The following DOCK8 variants were observed in gnomAD, a reference collection of about 807,000 sequenced individuals.
The protein encoded by DOCK8 is dedicator of cytokinesis 8.
Under a neutral mutation model 245.6 loss-of-function variants are expected in DOCK8, and 141 were observed. The ratio of observed to expected loss-of-function variants is 0.57; its 90% CI spans 0.50 to 0.66. The LOEUF (loss-of-function observed/expected upper bound fraction) is 0.66, where lower values mean the gene tolerates loss of function less well. Among genes scored for constraint, DOCK8 ranks in the 30% least tolerant of loss-of-function variants. DOCK8 has a pLI of 0.00. For synonymous variants in DOCK8, 1,168 were observed against 970.2 expected (o/e 1.20, Z -3.79); for missense variants, 2,965 against 2,603.4 (o/e 1.14, Z -3.02).
At chr9:302,862 T>C (rs895413807) in intron 4 of DOCK8, among the ~76,000 whole-genome samples, 3 of 152,188 alleles carry the variant, frequency 2.0e-5, no homozygotes, top group African/African-American at 7.2e-5. Flanking sequence ...GGCATGTGGC[T>C]TATGCTTGTA....
chr9:392,030 C>T lies in DOCK8; in HGVS notation c.2970+1464C>T, dbSNP rs142104140. Among the ~76,000 whole-genome samples the T allele has an allele frequency of 9.0e-3, 1,355 of 150,954 alleles. 23 individuals are homozygous for T. The highest frequency in any genetic ancestry group is 0.031 in the African/African-American group (1,293 of 41,128). ...GCGGGTGCCTGTAATCCCATCTACTCAGGAGGCTGAGGCAGGAGAATTGCT... is the reference window on the plus strand; with the variant it reads ...GCGGGTGCCTGTAATCCCATCTACTTAGGAGGCTGAGGCAGGAGAATTGCT... On this transcript the variant is annotated intron_variant, in intron 24 of 47. Transcript: ENST00000432829.
chr9:286,745 T>G, intron 3 of DOCK8, 109 bp downstream of exon 3: 1 of 1,036,698 alleles, frequency 9.6e-7, no homozygotes, highest in Non-Finnish European at 1.5e-6. Context: ...ATAAAATTAC[T>G]CAATCCATTC....
chr9:316,395 A>G (rs2050348292), intron 6 of DOCK8, among the ~76,000 whole-genome samples: 1 of 152,214 alleles, frequency 6.6e-6, no homozygotes, highest in Non-Finnish European at 1.5e-5. Flanking sequence ...TTTCTCTTTA[A>G]GTGTTTAGTT....
intron 1 of DOCK8, among the ~76,000 whole-genome samples, chr9:252,225 G>A (rs992323971): frequency 1.3e-4 from 19 of 151,580 alleles, no homozygotes; most frequent in Admixed American, 9.2e-4. Context: ...CACTGGCCTC[G>A]GCCTCCCAAA....
At chr9:380,059 C>G (rs1453961768) in intron 21 of DOCK8, 124 bp downstream of exon 21, 1 of 905,016 alleles carries the variant, frequency 1.1e-6, no homozygotes, top group Non-Finnish European at 1.7e-6. Context: ...AACCCCAGCA[C>G]TCTAGGAGGC....
At position 432,270 on chromosome 9, in the gene DOCK8, T is replaced by C. The variant is rs781552481; in HGVS notation, c.4731T>C (p.Ile1577=). ...EEHLRRSLRT[I]LAYSEEDTAM... ...ACCTGAGAAGATCCTTGAGGACAAT[T>C]TTGGCCTATTCAGAAGAGGACACAG... is the stretch of plus-strand genomic sequence containing the variant. Residue 1577 remains isoleucine (I), a synonymous_variant, in exon 37 of 48, where the codon ATT becomes ATC. Transcript: ENST00000432829. The C allele has an allele frequency of 4.3e-6, 7 of 1,613,956 alleles. No homozygotes were observed. In the East Asian group the frequency reaches 1.6e-4, roughly 36 times the overall value.
intron 1 of DOCK8, among the ~76,000 whole-genome samples, chr9:216,331 C>T (rs138869631): frequency 6.6e-6 from 1 of 151,996 alleles, no homozygotes; most frequent in Non-Finnish European, 1.5e-5. Context: ...GAGTTTGAGA[C>T]CAGCCTGGGC....
intron 4 of DOCK8, among the ~76,000 whole-genome samples, chr9:292,436 A>C: frequency 1.3e-5 from 2 of 150,344 alleles, no homozygotes; most frequent in South Asian, 4.2e-4. Context: ...TACATGCATG[A>C]ATCCTCAAGA....
intron 23 of DOCK8, among the ~76,000 whole-genome samples, chr9:387,442 CAAAAAAA>C (rs139131854): frequency 1.0e-4 from 8 of 77,110 alleles, no homozygotes; most frequent in Non-Finnish European, 1.6e-4. Context: ...GACTCCATTT[CAAAAAAA>C]AAAAAAAAGA....
chr9:454,085 G>C (rs1238640298), intron 46 of DOCK8, among the ~76,000 whole-genome samples: 1 of 152,190 alleles, frequency 6.6e-6, no homozygotes, highest in African/African-American at 2.4e-5. Context: ...GATCAGAAAA[G>C]AGAAATCAGT....
intron 4 of DOCK8, among the ~76,000 whole-genome samples, chr9:297,211 A>G (rs894227466): frequency 4.6e-5 from 7 of 152,204 alleles, no homozygotes; most frequent in African/African-American, 1.7e-4. Flanking sequence ...TAGGTCCTCA[A>G]AATGAGCAAC....
intron 14 of DOCK8, among the ~76,000 whole-genome samples, chr9:357,517 T>G (rs1171349743): frequency 6.6e-6 from 1 of 152,244 alleles, no homozygotes; most frequent in Non-Finnish European, 1.5e-5. Context: ...GTGGATTTTT[T>G]TAACATTACA....
chr9:220,949 C>T lies in DOCK8; in HGVS notation c.53+5920C>T, dbSNP rs2046869846. The T allele has an allele frequency of 4.9e-5, 10 of 204,294 alleles. No individual in the cohort carries two copies. The South Asian group carries it at 5.4e-4, about 11-fold the overall frequency. The allele number at this position is 204,294 out of a possible 1,614,324, so 12.7% of individuals were successfully genotyped here. A position where few individuals can be genotyped will look rare whatever the true frequency, so the allele number is the denominator to read the frequency against. ...TTGTTCAGGCTGGTCTAGTCTTACC[C>T]AGTCAGCAGCAGAAAGGCTCTCTGG... On this transcript the variant is annotated intron_variant, in intron 1 of 47. Coordinates refer to ENST00000432829, the MANE Select transcript of DOCK8 (RefSeq NM_203447.4).
chr9:250,601 C>G (rs1413762755), intron 1 of DOCK8, among the ~76,000 whole-genome samples: 3 of 152,196 alleles, frequency 2.0e-5, no homozygotes, highest in Non-Finnish European at 1.5e-5. Flanking sequence ...CTTCCACACT[C>G]AATTCCAAAT....
chr9:423,994 C>T (rs6476809), intron 33 of DOCK8, among the ~76,000 whole-genome samples: 6,566 of 151,906 alleles, frequency 0.043, 466 homozygotes, highest in African/African-American at 0.15. Flanking sequence ...CTCAGCCCTG[C>T]GCTACCTGGT....
At chr9:427,678 A>G (rs1444722488) in intron 34 of DOCK8, among the ~76,000 whole-genome samples, 4 of 152,238 alleles carry the variant, frequency 2.6e-5, no homozygotes. Flanking sequence ...GCTAGAAGAA[A>G]TATCGTTGAA....
Position 406,961 on chromosome 9 carries a change from A to T in DOCK8, c.3422A>T (p.Gln1141Leu). The change falls in exon 28 of 48, where the codon CAG (glutamine) becomes CTG (leucine). Residue 1141 changes from glutamine (Q) to leucine (L), a missense_variant. By Grantham distance (113) the Gln-to-Leu change is moderately radical. Transcript: ENST00000432829. The stretch of plus-strand genomic sequence containing the variant: ...AGCTCCTGCTCCAGCTTCCAGGACC[A>T]GAAGATCGCCAGCATGTTCGATCTG... The part of the protein sequence containing the change: ...NSSSCSSFQD[Q>L]KIASMFDLTS... The T allele has an allele frequency of 6.2e-7, 1 of 1,614,152 alleles. No individual in the cohort carries two copies. The highest frequency in any genetic ancestry group is 8.5e-7 in the Non-Finnish European group (1 of 1,180,020).
intron 1 of DOCK8, among the ~76,000 whole-genome samples, chr9:236,590 C>T (rs1446790051): frequency 6.6e-6 from 1 of 152,168 alleles, no homozygotes; most frequent in Non-Finnish European, 1.5e-5. Flanking sequence ...AGGTCCAAAT[C>T]ATCTAATTCC....
At chr9:310,388 G>C (rs2050043758) in intron 5 of DOCK8, among the ~76,000 whole-genome samples, 1 of 152,124 alleles carries the variant, frequency 6.6e-6, no homozygotes, top group Non-Finnish European at 1.5e-5. Context: ...AAAGAAATTA[G>C]TAACTTGTAG....
Sources: allele counts gnomAD v4.1 joint callset (sites outside exome capture counted in the v4.1 genomes callset), GRCh38; gene constraint gnomAD v4.1.1; transcripts MANE v1.5; gene names NCBI Gene and HGNC (gene_info 2026-07-23, HGNC 2026-07-21).